Variants in VPS53 observed in about 807,000 individuals in gnomAD.
VPS53 encodes vacuolar protein sorting-associated protein 53 homolog.
VPS53 carries 70 observed loss-of-function variants against 107.0 expected under a neutral mutation model. The ratio of observed to expected loss-of-function variants is 0.65; its 90% CI spans 0.54 to 0.80. The LOEUF (loss-of-function observed/expected upper bound fraction) is 0.80. VPS53 is among the 30% of genes least tolerant of loss of function. The pLI is 0.00. For synonymous variants in VPS53, 409 were observed against 393.3 expected, an observed-to-expected ratio of 1.04 and a Z score of -0.47; for missense variants, 917 against 1,049.4, an observed-to-expected ratio of 0.87 and a Z score of 1.74.
intron 11 of VPS53, among the ~76,000 whole-genome samples, chr17:609,459 C>T (rs1019546330): frequency 3.3e-5 from 5 of 152,128 alleles, no homozygotes; most frequent in Middle Eastern, 3.4e-3. Flanking sequence ...GTAAGACATA[C>T]GAACATATGT....
intron 17 of VPS53, among the ~76,000 whole-genome samples, chr17:549,725 C>T (rs7225729): frequency 0.29 from 44,702 of 151,906 alleles, 6,876 homozygotes; most frequent in African/African-American, 0.37. Flanking sequence ...TTACCAGCAG[C>T]GAGGGGATCA....
intron 4 of VPS53, chr17:675,085 T>C (rs1468060163): frequency 6.6e-6 from 1 of 152,240 alleles, no homozygotes; most frequent in African/African-American, 2.4e-5. Flanking sequence ...AAATGTGTCT[T>C]TGCTTACAGT....
At chr17:556,758 G>A (rs188085856) in intron 15 of VPS53, among the ~76,000 whole-genome samples, 1 of 152,278 alleles carries the variant, frequency 6.6e-6, no homozygotes, top group Non-Finnish European at 1.5e-5. Flanking sequence ...TAGACTTTCT[G>A]GCATGTAACT....
At chr17:606,826 A>G (rs900656638) in intron 11 of VPS53, among the ~76,000 whole-genome samples, 17 of 152,114 alleles carry the variant, frequency 1.1e-4, no homozygotes, top group African/African-American at 3.9e-4. Context: ...GAGGTAGAAC[A>G]GTTTCATCTC....
At chr17:613,501 T>C (rs1968992557) in intron 11 of VPS53, among the ~76,000 whole-genome samples, 1 of 151,682 alleles carries the variant, frequency 6.6e-6, no homozygotes, top group Non-Finnish European at 1.5e-5. Context: ...GTTCACACAG[T>C]GAAAACCTGT....
intron 1 of VPS53, 22 bp from the exon 2 acceptor site, chr17:710,635 T>C (rs778833857): frequency 6.4e-6 from 10 of 1,554,282 alleles, no homozygotes; most frequent in Non-Finnish European, 8.9e-6. Flanking sequence ...GAGAGGAGTA[T>C]ATATAAAAAC....
intron 19 of VPS53, 67 bp downstream of exon 19, chr17:532,775 A>G: frequency 1.3e-6 from 2 of 1,595,510 alleles, no homozygotes; most frequent in Non-Finnish European, 1.7e-6. Context: ...GATCTGGACT[A>G]GAAGAATATG....
At chr17:592,815 T>C (rs1426644304) in intron 12 of VPS53, among the ~76,000 whole-genome samples, 3 of 152,214 alleles carry the variant, frequency 2.0e-5, no homozygotes, top group Non-Finnish European at 4.4e-5. Context: ...TGGCTGCCCC[T>C]GACATTTTTT....
intron 4 of VPS53, among the ~76,000 whole-genome samples, chr17:689,073 A>AT (rs964635239): frequency 4.6e-5 from 7 of 152,166 alleles, no homozygotes; most frequent in East Asian, 1.9e-4. Context: ...AGCAATTGCC[A>AT]TTTTTTTCCA....
At chr17:673,134 CA>C (rs370374429) in intron 4 of VPS53, among the ~76,000 whole-genome samples, 11 of 139,934 alleles carry the variant, frequency 7.9e-5, no homozygotes, top group African/African-American at 1.3e-4. Flanking sequence ...AAAACAAAAA[CA>C]AAAAAAAAAC....
At chr17:521,949 G>A (rs140104482) in intron 19 of VPS53, among the ~76,000 whole-genome samples, 8 of 152,204 alleles carry the variant, frequency 5.3e-5, no homozygotes, top group African/African-American at 1.4e-4. Flanking sequence ...CTATGTGTAC[G>A]TATATAAAAA....
Position 520,020 on chromosome 17 carries a change from C to T in VPS53, c.2224-90G>A, listed in dbSNP as rs1385686016. On this transcript the variant is annotated intron_variant, in intron 20 of 21. Coordinates refer to ENST00000437048, the MANE Select transcript of VPS53 (RefSeq NM_001128159.3). This position sits in a 1 kb window ranked among gnomAD's most constrained non-coding sequence, Gnocchi z 4.4. Reference sequence around the variant, plus strand: ...CGGGCCCTCAAGAAAACTCACTACCCACCGCAGGAGGAGACGGGAGCGGGC... The same window carrying T: ...CGGGCCCTCAAGAAAACTCACTACCTACCGCAGGAGGAGACGGGAGCGGGC... 4 of 885,242 alleles carry T rather than the reference C, an allele frequency of 4.5e-6. No homozygotes were observed. The highest frequency in any genetic ancestry group is 7.2e-6 in the Non-Finnish European group (4 of 551,832). 54.8% of individuals were successfully genotyped at this position (885,242 alleles called of 1,614,324 possible). A position where few individuals can be genotyped will look rare whatever the true frequency, so the allele number is the denominator to read the frequency against.
At chr17:594,259 T>A (rs1055986164) in intron 12 of VPS53, among the ~76,000 whole-genome samples, 2 of 152,224 alleles carry the variant, frequency 1.3e-5, no homozygotes. Context: ...ATGGCACATG[T>A]ATACATATGT....
In VPS53 at chr17:601,414, G is replaced by C. The variant is rs141806155; in HGVS notation, c.1218+381C>G. Among the ~76,000 whole-genome samples the C allele has an allele frequency of 2.6e-4, 40 of 152,298 alleles. No individual in the cohort carries two copies. The East Asian group carries it at 7.3e-3, about 28-fold the overall frequency. ...GCATGGAGGCCTCTCCTAGCCGAGGGTGCTGCTGGCTTCCCGGGGATTGTT... is the reference window on the plus strand; with the variant it reads ...GCATGGAGGCCTCTCCTAGCCGAGGCTGCTGCTGGCTTCCCGGGGATTGTT... On this transcript the variant is annotated intron_variant, in intron 12 of 21. Coordinates refer to ENST00000437048, the MANE Select transcript of VPS53 (RefSeq NM_001128159.3).
intron 4 of VPS53, among the ~76,000 whole-genome samples, chr17:662,857 G>GGAAC (rs1971522188): frequency 2.2e-5 from 2 of 91,218 alleles, no homozygotes; most frequent in African/African-American, 6.2e-5. Context: ...AAGGAAGGAA[G>GGAAC]GAAGGAAGGA....
At chr17:628,725 G>C (rs1969820381) in intron 8 of VPS53, among the ~76,000 whole-genome samples, 1 of 152,096 alleles carries the variant, frequency 6.6e-6, no homozygotes, top group Non-Finnish European at 1.5e-5. Flanking sequence ...CAAATAGTGT[G>C]GTCTCCCTTA....
intron 4 of VPS53, among the ~76,000 whole-genome samples, chr17:682,482 A>T (rs1460124600): frequency 2.0e-5 from 3 of 152,158 alleles, no homozygotes; most frequent in Non-Finnish European, 2.9e-5. Flanking sequence ...TCCATGTAGA[A>T]GGGCATGTAA....
chr17:613,769 TCA>T (rs1487267022), intron 11 of VPS53, among the ~76,000 whole-genome samples: 4 of 151,230 alleles, frequency 2.6e-5, no homozygotes, highest in African/African-American at 7.3e-5. Flanking sequence ...AATAGTGAAT[TCA>T]CACAGTGAAA....
At chr17:537,441 T>G in intron 17 of VPS53, 1 of 382,072 alleles carries the variant, frequency 2.6e-6, no homozygotes, top group Non-Finnish European at 4.8e-6. Flanking sequence ...TGAAACAGCC[T>G]TCCCTTCTCA....
Sources: allele counts gnomAD v4.1 joint callset (sites outside exome capture counted in the v4.1 genomes callset), GRCh38; gene constraint gnomAD v4.1.1; non-coding constraint Gnocchi (gnomAD v3.1); transcripts MANE v1.5; gene names NCBI Gene and HGNC (gene_info 2026-07-23, HGNC 2026-07-21).